EBF1: variants seen among roughly 807,000 people sequenced by gnomAD.
EBF1 encodes transcription factor COE1.
In EBF1, 10 loss-of-function variants were observed where a neutral mutation model predicts 68.4. The observed-to-expected ratio is 0.15, with a 90% CI of 0.09 to 0.25. EBF1 has a LOEUF of 0.25. Ranked by LOEUF, EBF1 falls within the 10% of genes least tolerant of loss-of-function variation. EBF1 has a pLI of 1.00. For synonymous variants in EBF1, 298 were observed against 299.8 expected (o/e 0.99, Z 0.06); for missense variants, 509 against 794.4 (o/e 0.64, Z 4.32).
intron 14 of EBF1, among the ~76,000 whole-genome samples, chr5:158,709,379 A>T (rs1581198973): frequency 6.6e-6 from 1 of 152,004 alleles, no homozygotes; most frequent in East Asian, 1.9e-4. Context: ...CTCAGAAAGT[A>T]GTGTAGCAGC....
At chr5:159,007,050 A>G (rs1763709596) in intron 6 of EBF1, among the ~76,000 whole-genome samples, 1 of 152,182 alleles carries the variant, frequency 6.6e-6, no homozygotes, top group South Asian at 2.1e-4. Context: ...CCATTTTTTG[A>G]TTGGAATCTG....
At chr5:158,940,568 G>C (rs1462136866) in intron 6 of EBF1, among the ~76,000 whole-genome samples, 3 of 152,168 alleles carry the variant, frequency 2.0e-5, no homozygotes, top group Non-Finnish European at 4.4e-5. Context: ...TCTGACTCTA[G>C]AGCCCAGGAT....
rs944089792 is a variant in EBF1, at chr5:158,885,761, A to C, written c.555-45651T>G. Among the ~76,000 whole-genome samples the C allele has an allele frequency of 2.0e-5, 3 of 152,214 alleles. No homozygotes were observed. In the South Asian group the frequency reaches 6.2e-4, roughly 32 times the overall value. On this transcript the variant is annotated intron_variant, in intron 6 of 15. Coordinates refer to ENST00000313708, the MANE Select transcript of EBF1 (RefSeq NM_024007.5). ...AAATGTCATCCTACCAAGTGTCAGA[A>C]TTAGGACTCAAACCTGGGTCTGCCA...
intron 10 of EBF1, among the ~76,000 whole-genome samples, chr5:158,744,639 G>A (rs144091221): frequency 1.3e-3 from 192 of 152,288 alleles, no homozygotes; most frequent in African/African-American, 1.6e-3. Context: ...GAACCTAAAT[G>A]AGTAAGTGAG....
chr5:159,089,900 G>A (rs1781330758), intron 4 of EBF1, among the ~76,000 whole-genome samples: 2 of 151,916 alleles, frequency 1.3e-5, no homozygotes, highest in African/African-American at 4.8e-5. Context: ...AAGGTAGGAA[G>A]AAAGGATTGG....
At chr5:158,737,981 A>G (rs1213824528) in intron 10 of EBF1, among the ~76,000 whole-genome samples, 1 of 152,196 alleles carries the variant, frequency 6.6e-6, no homozygotes, top group African/African-American at 2.4e-5. Flanking sequence ...TCAAAATGAA[A>G]TCACCTTACT....
At chr5:158,746,771 G>A (rs1767681167) in intron 10 of EBF1, among the ~76,000 whole-genome samples, 1 of 152,180 alleles carries the variant, frequency 6.6e-6, no homozygotes, top group African/African-American at 2.4e-5. Flanking sequence ...CTTTGCCTGA[G>A]ACCAATATGT....
At chr5:158,878,204 T>C (rs1798152854) in intron 6 of EBF1, among the ~76,000 whole-genome samples, 1 of 152,014 alleles carries the variant, frequency 6.6e-6, no homozygotes, top group South Asian at 2.1e-4. Flanking sequence ...TGACCTGCTT[T>C]GGAGTGAGGA....
At chr5:158,741,894 C>T (rs1766491747) in intron 10 of EBF1, among the ~76,000 whole-genome samples, 1 of 152,192 alleles carries the variant, frequency 6.6e-6, no homozygotes, top group Non-Finnish European at 1.5e-5. Flanking sequence ...GTGTGCCAGG[C>T]ACTTTATATG....
intron 6 of EBF1, among the ~76,000 whole-genome samples, chr5:158,995,438 G>A (rs1416862939): frequency 5.3e-5 from 8 of 152,182 alleles, no homozygotes; most frequent in Admixed American, 5.2e-4. Context: ...GAATTCAGCA[G>A]CAAATGCACA....
chr5:158,710,752 A>G (rs1430185620), intron 14 of EBF1, among the ~76,000 whole-genome samples: 1 of 152,208 alleles, frequency 6.6e-6, no homozygotes, highest in African/African-American at 2.4e-5. Flanking sequence ...AACTAGAACA[A>G]TCCATACTTT....
At chr5:158,855,630 C>A (rs1793841439) in intron 6 of EBF1, among the ~76,000 whole-genome samples, 1 of 152,208 alleles carries the variant, frequency 6.6e-6, no homozygotes, top group Non-Finnish European at 1.5e-5. Context: ...CCTCTCATTC[C>A]CCATCATCGT....
At chr5:158,727,030 G>A (rs1251911601) in intron 11 of EBF1, among the ~76,000 whole-genome samples, 1 of 152,234 alleles carries the variant, frequency 6.6e-6, no homozygotes, top group East Asian at 1.9e-4. Flanking sequence ...ATGCCGTGAG[G>A]CAGCTGCTTT....
chr5:158,888,972 C>A (rs1800608644), intron 6 of EBF1, among the ~76,000 whole-genome samples: 2 of 152,142 alleles, frequency 1.3e-5, no homozygotes, highest in African/African-American at 4.8e-5. Context: ...TTGAATAATT[C>A]TCTTCCTTTC....
At chr5:158,703,769 T>C (rs1467092767) in intron 15 of EBF1, among the ~76,000 whole-genome samples, 1 of 152,202 alleles carries the variant, frequency 6.6e-6, no homozygotes, top group Admixed American at 6.5e-5. Context: ...TTGTCCTCAG[T>C]CTTTCTGCTG....
chr5:159,004,146 AG>A (rs1160002828), intron 6 of EBF1, among the ~76,000 whole-genome samples: 2 of 152,004 alleles, frequency 1.3e-5, no homozygotes, highest in African/African-American at 4.8e-5. Flanking sequence ...GCATGGTGGC[AG>A]GTGCCTGTAA....
intron 6 of EBF1, among the ~76,000 whole-genome samples, chr5:158,877,013 CCT>C (rs1456332493): frequency 4.6e-5 from 7 of 152,054 alleles, no homozygotes; most frequent in African/African-American, 1.7e-4. Flanking sequence ...AGAGAAATAC[CCT>C]GTTTTATTGT....
At chr5:158,969,885 A>G (rs1476873613) in intron 6 of EBF1, among the ~76,000 whole-genome samples, 1 of 107,624 alleles carries the variant, frequency 9.3e-6, no homozygotes, top group African/African-American at 3.4e-5. Context: ...AGAAAGAAAG[A>G]AAGAAAGAAA....
intron 6 of EBF1, among the ~76,000 whole-genome samples, chr5:158,945,752 T>A (rs1302660768): frequency 2.0e-5 from 3 of 152,238 alleles, no homozygotes; most frequent in Non-Finnish European, 4.4e-5. Flanking sequence ...TCCTGGATGA[T>A]ATCCTGTATG....
Sources: allele counts gnomAD v4.1 joint callset (sites outside exome capture counted in the v4.1 genomes callset), GRCh38; gene constraint gnomAD v4.1.1; transcripts MANE v1.5; gene names NCBI Gene and HGNC (gene_info 2026-07-23, HGNC 2026-07-21).